Variants in SMG6 observed in about 807,000 individuals in gnomAD.
SMG6 encodes the protein SMG6 nonsense mediated mRNA decay factor, also known as telomerase-binding protein EST1A.
SMG6 carries 66 observed loss-of-function variants against 142.2 expected under a neutral mutation model. That is an observed-to-expected ratio of 0.46 (90% confidence interval 0.38 to 0.57). SMG6 has a LOEUF of 0.57. SMG6 is among the 20% of genes least tolerant of loss of function. The pLI, the probability that SMG6 is intolerant of heterozygous loss-of-function variation, is 0.00. For missense variants in SMG6, 1,793 were observed against 1,832.0 expected (o/e 0.98, Z 0.39); for synonymous variants, 779 against 702.4 (o/e 1.11, Z -1.72).
At chr17:2,220,940 T>G (rs1239577212) in intron 10 of SMG6, among the ~76,000 whole-genome samples, 2 of 152,172 alleles carry the variant, frequency 1.3e-5, no homozygotes, top group Non-Finnish European at 2.9e-5. Flanking sequence ...TTAAAAAAAA[T>G]CATTTAGTTT....
intron 13 of SMG6, among the ~76,000 whole-genome samples, chr17:2,162,082 A>AAT (rs1309460597): frequency 2.0e-5 from 3 of 152,226 alleles, no homozygotes; most frequent in African/African-American, 4.8e-5. Flanking sequence ...GGACTAAACA[A>AAT]ATATTATAAT....
chr17:2,136,895 A>G (rs964401355), intron 13 of SMG6, among the ~76,000 whole-genome samples: 4 of 152,148 alleles, frequency 2.6e-5, no homozygotes, highest in African/African-American at 9.7e-5. Context: ...ATGATGGCTC[A>G]CGCTTGTAAT....
chr17:2,232,503 C>T (rs956918097), intron 10 of SMG6, among the ~76,000 whole-genome samples: 2 of 152,134 alleles, frequency 1.3e-5, no homozygotes, highest in African/African-American at 2.4e-5. Context: ...GAACTGTTGC[C>T]TTCTTCACCC....
At chr17:2,116,604 G>C (rs992587429) in intron 13 of SMG6, among the ~76,000 whole-genome samples, 1 of 151,962 alleles carries the variant, frequency 6.6e-6, no homozygotes, top group African/African-American at 2.4e-5. Context: ...AAATTAGCTG[G>C]GTGTGGTGGC....
intron 8 of SMG6, among the ~76,000 whole-genome samples, chr17:2,252,405 AAT>A (rs2074067589): frequency 6.6e-6 from 1 of 151,760 alleles, no homozygotes. Context: ...ACTCAAAAAA[AAT>A]AAAGAAAAGA....
chr17:2,156,375 C>G (rs1403673618), intron 13 of SMG6, among the ~76,000 whole-genome samples: 1 of 74,540 alleles, frequency 1.3e-5, no homozygotes, highest in African/African-American at 6.9e-5. Context: ...CCCTGGGCAA[C>G]AGAGAGACAC....
At chr17:2,136,886 T>C (rs1223255404) in intron 13 of SMG6, among the ~76,000 whole-genome samples, 4 of 152,170 alleles carry the variant, frequency 2.6e-5, no homozygotes, top group African/African-American at 9.7e-5. Flanking sequence ...AGGTCAGGCA[T>C]GATGGCTCAC....
intron 10 of SMG6, among the ~76,000 whole-genome samples, chr17:2,209,644 A>G (rs2072789869): frequency 6.6e-6 from 1 of 152,040 alleles, no homozygotes; most frequent in South Asian, 2.1e-4. Flanking sequence ...GATTACAGGC[A>G]TGAGCCACTG....
chr17:2,241,586 T>C (rs963599224), intron 9 of SMG6, among the ~76,000 whole-genome samples: 1 of 152,228 alleles, frequency 6.6e-6, no homozygotes, highest in Non-Finnish European at 1.5e-5. Context: ...TGGGGTCTTC[T>C]GCCTATGTTG....
intron 10 of SMG6, among the ~76,000 whole-genome samples, chr17:2,214,723 T>C (rs2072963905): frequency 6.6e-6 from 1 of 152,246 alleles, no homozygotes; most frequent in Non-Finnish European, 1.5e-5. Flanking sequence ...AAATTCCATG[T>C]GTCTCCTGGA....
At chr17:2,112,295 G>T (rs2069347739) in intron 13 of SMG6, among the ~76,000 whole-genome samples, 1 of 151,744 alleles carries the variant, frequency 6.6e-6, no homozygotes, top group African/African-American at 2.4e-5. Context: ...ACGAGGTCAG[G>T]AGATCGAGAC....
Position 2,213,060 on chromosome 17 carries a change from G to C in SMG6, c.2869+23432C>G, listed in dbSNP as rs567110214. ...AAACTGGGATACTTCCGAGAGTGAA[G>C]GGGTGTGCTATGAGTAATTCATAAA... On this transcript the variant is annotated intron_variant, in intron 10 of 18. Transcript: ENST00000263073. Among the ~76,000 whole-genome samples, 92 of 152,352 alleles carry C rather than the reference G, an allele frequency of 6.0e-4. 3 individuals carry two copies. In the South Asian group the frequency reaches 0.019, roughly 31 times the overall value.
At chr17:2,245,713 C>T (rs1052416811) in intron 8 of SMG6, among the ~76,000 whole-genome samples, 2 of 152,178 alleles carry the variant, frequency 1.3e-5, no homozygotes, top group African/African-American at 4.8e-5. Context: ...CAGGGTCTCA[C>T]TCTGTCGCCC....
rs552881364 is a variant in SMG6 at position 2,098,707 on chromosome 17, T to C, written c.3358-12806A>G. Among the ~76,000 whole-genome samples, 19 of 152,304 alleles carry C rather than the reference T, an allele frequency of 1.2e-4. No homozygotes were observed. The East Asian group carries it at 3.5e-3, about 28-fold the overall frequency. On this transcript the variant is annotated intron_variant, in intron 13 of 18. Coordinates refer to ENST00000263073, the MANE Select transcript of SMG6 (RefSeq NM_017575.5). ...GTGCAATGGCGTGATCTCGGCTCACTGAAACCTCTGCCTCCTGTGTTCAAG... is the reference window on the plus strand; with the variant it reads ...GTGCAATGGCGTGATCTCGGCTCACCGAAACCTCTGCCTCCTGTGTTCAAG...
intron 12 of SMG6, among the ~76,000 whole-genome samples, chr17:2,181,385 A>G (rs2071801295): frequency 6.6e-6 from 1 of 152,234 alleles, no homozygotes; most frequent in African/African-American, 2.4e-5. Context: ...GTCAGGCCCC[A>G]GGATAGCAAA....
chr17:2,219,860 T>C (rs2073125838), intron 10 of SMG6, among the ~76,000 whole-genome samples: 1 of 150,350 alleles, frequency 6.7e-6, no homozygotes, highest in Admixed American at 6.6e-5. Flanking sequence ...TCTAGCATCA[T>C]GTATCAAAAG....
chr17:2,143,766 A>G (rs1215896131), intron 13 of SMG6, among the ~76,000 whole-genome samples: 1 of 152,234 alleles, frequency 6.6e-6, no homozygotes, highest in East Asian at 1.9e-4. Flanking sequence ...TAAAAAGGGT[A>G]TTAAAACATC....
intron 13 of SMG6, among the ~76,000 whole-genome samples, chr17:2,162,616 A>G (rs1263423563): frequency 6.6e-6 from 1 of 151,812 alleles, no homozygotes; most frequent in Non-Finnish European, 1.5e-5. Context: ...TACTGCTTGA[A>G]GCCAGGAGTT....
chr17:2,118,470 T>C (rs539038543), intron 13 of SMG6, among the ~76,000 whole-genome samples: 2 of 151,968 alleles, frequency 1.3e-5, no homozygotes, highest in African/African-American at 4.8e-5. Flanking sequence ...ACCTGGGGAG[T>C]AGAGGTAGCA....
Sources: gnomAD v4.1 joint callset for allele counts (sites outside exome capture counted in the v4.1 genomes callset) on GRCh38, gnomAD v4.1.1 for gene constraint, MANE v1.5 for transcripts, NCBI Gene and HGNC (gene_info 2026-07-23, HGNC 2026-07-21) for gene names.